CHRNA7: variants seen among roughly 807,000 people sequenced by gnomAD.
CHRNA7 encodes the protein neuronal acetylcholine receptor subunit alpha-7.
CHRNA7 carries 17 observed loss-of-function variants against 48.0 expected under a neutral mutation model. The observed-to-expected ratio is 0.35, with a 90% CI of 0.24 to 0.53. CHRNA7 has a LOEUF of 0.53. Ranked by LOEUF, CHRNA7 falls within the 20% of genes least tolerant of loss-of-function variation. The pLI is 0.92. For missense variants in CHRNA7, 155 were observed against 577.7 expected (o/e 0.27, Z 7.50); for synonymous variants, 75 against 242.3 (o/e 0.31, Z 6.41).
intron 3 of CHRNA7, among the ~76,000 whole-genome samples, chr15:32,105,460 G>A (rs572470377): frequency 1.3e-5 from 2 of 150,194 alleles, no homozygotes; most frequent in Admixed American, 1.3e-4. Flanking sequence ...AGGAAGAGGA[G>A]GAGGAAGAGG....
intron 2 of CHRNA7, among the ~76,000 whole-genome samples, chr15:32,088,315 A>G (rs556419811): frequency 1.3e-4 from 20 of 152,048 alleles, no homozygotes; most frequent in Non-Finnish European, 2.5e-4. Context: ...TGGATGTGCC[A>G]TGGTTTGTTT....
intron 2 of CHRNA7, among the ~76,000 whole-genome samples, chr15:32,040,596 ATATGTGTG>A (rs1268673056): frequency 1.1e-5 from 1 of 91,966 alleles, no homozygotes; most frequent in East Asian, 2.0e-4. Flanking sequence ...GTGTGTGTGT[ATATGTGTG>A]TATGTGTGTG....
intron 2 of CHRNA7, chr15:32,100,764 G>A (rs2050557104): frequency 6.4e-6 from 1 of 155,092 alleles, no homozygotes; most frequent in Admixed American, 6.5e-5. Context: ...TAGAGGTTGA[G>A]AGAAAAGCCC....
At chr15:32,119,823 C>T (rs571424602) in intron 4 of CHRNA7, among the ~76,000 whole-genome samples, 16 of 152,114 alleles carry the variant, frequency 1.1e-4, no homozygotes, top group South Asian at 4.1e-4. Flanking sequence ...AGGGCAAGTG[C>T]GTGTGTGTCC....
intron 2 of CHRNA7, among the ~76,000 whole-genome samples, chr15:32,032,129 T>C (rs1275175655): frequency 1.3e-5 from 2 of 152,262 alleles, no homozygotes; most frequent in African/African-American, 4.8e-5. Context: ...ATTGCCATCA[T>C]ACATTGCCTC....
intron 2 of CHRNA7, among the ~76,000 whole-genome samples, chr15:32,042,963 A>G (rs1256577409): frequency 1.3e-5 from 2 of 152,238 alleles, no homozygotes; most frequent in Non-Finnish European, 2.9e-5. Flanking sequence ...GTTGAAAATC[A>G]AGGGGGTAAA....
chr15:32,101,283 CT>C lies in CHRNA7; in HGVS notation c.196-5del, dbSNP rs34476605. The stretch of plus-strand genomic sequence containing the variant: ...GTAAACCATATTATTTATGCTGCTG[CT>C]TTTTTTTTTTTTTTGAAGGATGAGA... On this transcript the variant is annotated intron_variant, in intron 2 of 9. Coordinates refer to ENST00000306901, the MANE Select transcript of CHRNA7 (RefSeq NM_000746.6). 45,551 of 1,413,606 alleles carry C rather than the reference CT, an allele frequency of 0.032. 7 individuals are homozygous for C. Among genetic ancestry groups the C allele is most frequent in the South Asian group, 0.07 (5,119 of 73,392 alleles). 87.6% of individuals were successfully genotyped at this position (1,413,606 alleles called of 1,614,324 possible).
At chr15:32,101,245 C>T (rs1258961188) in intron 2 of CHRNA7, 58 bp from the exon 3 acceptor site, 35 of 1,547,190 alleles carry the variant, frequency 2.3e-5, no homozygotes, top group Non-Finnish European at 3.0e-5. Flanking sequence ...ATAATTGTCT[C>T]ATTCTTTCTT....
At chr15:32,053,327 C>T (rs1027127328) in intron 2 of CHRNA7, among the ~76,000 whole-genome samples, 1 of 151,942 alleles carries the variant, frequency 6.6e-6, no homozygotes, top group African/African-American at 2.4e-5. Context: ...TGGAGGAAGG[C>T]CAACGAAAAT....
At chr15:32,086,958 G>A (rs62003621) in intron 2 of CHRNA7, among the ~76,000 whole-genome samples, 11,093 of 152,218 alleles carry the variant, frequency 0.073, 524 homozygotes, top group Non-Finnish European at 0.11. Context: ...TCCCTCGACT[G>A]CAAAGTTACT....
chr15:32,125,413 G>A (rs1377265944), intron 4 of CHRNA7, among the ~76,000 whole-genome samples: 1 of 152,202 alleles, frequency 6.6e-6, no homozygotes, highest in East Asian at 1.9e-4. Flanking sequence ...TCCTTCCCCT[G>A]CAGCTGGGCC....
chr15:32,133,119 T>A (rs1212138523), intron 4 of CHRNA7, among the ~76,000 whole-genome samples: 1 of 152,202 alleles, frequency 6.6e-6, no homozygotes, highest in Non-Finnish European at 1.5e-5. Context: ...AGTGACCCTT[T>A]CCTCATAGGG....
At chr15:32,151,975 C>G (rs1402356092) in intron 4 of CHRNA7, among the ~76,000 whole-genome samples, 1 of 152,178 alleles carries the variant, frequency 6.6e-6, no homozygotes, top group East Asian at 1.9e-4. Flanking sequence ...GAGCTTTACT[C>G]TGGGGTGCTG....
chr15:32,061,803 A>G (rs1044411043), intron 2 of CHRNA7, among the ~76,000 whole-genome samples: 1 of 152,118 alleles, frequency 6.6e-6, no homozygotes, highest in African/African-American at 2.4e-5. Flanking sequence ...GTGAGACTTC[A>G]TCTAAAAAAC....
intron 2 of CHRNA7, among the ~76,000 whole-genome samples, chr15:32,082,746 A>G (rs893449580): frequency 1.3e-5 from 2 of 152,200 alleles, no homozygotes; most frequent in African/African-American, 4.8e-5. Context: ...TGTTGATAAT[A>G]TTGCAAGCCC....
chr15:32,038,977 T>A (rs555664341), intron 2 of CHRNA7, among the ~76,000 whole-genome samples: 1 of 152,204 alleles, frequency 6.6e-6, no homozygotes, highest in African/African-American at 2.4e-5. Flanking sequence ...TTATTTCTTC[T>A]TGTTTGAGTT....
intron 3 of CHRNA7, chr15:32,101,640 G>A: frequency 3.1e-6 from 1 of 327,394 alleles, no homozygotes; most frequent in South Asian, 8.1e-5. Context: ...AGGGCTGTGT[G>A]TAGATGTCCA....
chr15:32,031,862 A>G (rs1901858828), intron 2 of CHRNA7, among the ~76,000 whole-genome samples: 1 of 152,316 alleles, frequency 6.6e-6, no homozygotes, highest in East Asian at 1.9e-4. Context: ...TCTTGTCTAT[A>G]CGGAGTATCG....
intron 3 of CHRNA7, among the ~76,000 whole-genome samples, chr15:32,103,465 AG>A (rs1347697168): frequency 6.6e-6 from 1 of 152,034 alleles, no homozygotes; most frequent in Non-Finnish European, 1.5e-5. Flanking sequence ...AGCCATTGCT[AG>A]GTCTCCAAGG....
Sources: allele counts gnomAD v4.1 joint callset (sites outside exome capture counted in the v4.1 genomes callset), GRCh38; gene constraint gnomAD v4.1.1; transcripts MANE v1.5; gene names NCBI Gene and HGNC (gene_info 2026-07-23, HGNC 2026-07-21).